Variants in SDK2 observed in about 807,000 individuals in gnomAD.
The protein encoded by SDK2 is protein sidekick-2.
In SDK2, 105 loss-of-function variants were observed where a neutral mutation model predicts 253.9. The ratio of observed to expected loss-of-function variants is 0.41; its 90% CI spans 0.35 to 0.49. SDK2 has a LOEUF of 0.49. Ranked by LOEUF, SDK2 falls within the 20% of genes least tolerant of loss-of-function variation. The pLI is 0.06. For synonymous variants in SDK2, 1,249 were observed against 1,234.9 expected (o/e 1.01, Z -0.24); for missense variants, 2,608 against 3,003.0 (o/e 0.87, Z 3.07).
chr17:73,583,639 C>T (rs2045565789), intron 1 of SDK2, among the ~76,000 whole-genome samples: 1 of 152,222 alleles, frequency 6.6e-6, no homozygotes, highest in Non-Finnish European at 1.5e-5. Flanking sequence ...TCACCCTGTT[C>T]ACAAACCAGC....
At chr17:73,480,985 C>A (rs1252525262) in intron 2 of SDK2, among the ~76,000 whole-genome samples, 1 of 152,240 alleles carries the variant, frequency 6.6e-6, no homozygotes, top group South Asian at 2.1e-4. Context: ...GTGACAGGCA[C>A]AGCCTGTTCT....
chr17:73,470,959 G>T (rs1217473538), intron 3 of SDK2, among the ~76,000 whole-genome samples: 1 of 152,218 alleles, frequency 6.6e-6, no homozygotes, highest in African/African-American at 2.4e-5. Context: ...ACAGGGCTGG[G>T]AAGGTAACAC....
intron 1 of SDK2, 109 bp from the exon 2 acceptor site, chr17:73,507,706 A>G: frequency 8.2e-7 from 1 of 1,226,874 alleles, no homozygotes; most frequent in Non-Finnish European, 1.1e-6. Flanking sequence ...GCAGCCAGGT[A>G]ATTTGCCCAA....
chr17:73,624,884 T>C (rs936079313), intron 1 of SDK2, among the ~76,000 whole-genome samples: 1 of 152,224 alleles, frequency 6.6e-6, no homozygotes, highest in Non-Finnish European at 1.5e-5. Flanking sequence ...CATGCCACTG[T>C]GGTACAACAG....
At chr17:73,539,351 C>G (rs1237946580) in intron 1 of SDK2, among the ~76,000 whole-genome samples, 1 of 152,132 alleles carries the variant, frequency 6.6e-6, no homozygotes, top group Non-Finnish European at 1.5e-5. Context: ...GGGAGACAGC[C>G]TGGGAGCGCC....
chr17:73,556,613 C>G (rs941662717), intron 1 of SDK2, among the ~76,000 whole-genome samples: 2 of 152,204 alleles, frequency 1.3e-5, no homozygotes, highest in Non-Finnish European at 2.9e-5. Flanking sequence ...AATTCTTATG[C>G]GGCTGTTGGC....
chr17:73,407,346 T>C (rs944594045), intron 18 of SDK2, among the ~76,000 whole-genome samples: 2 of 152,074 alleles, frequency 1.3e-5, no homozygotes, highest in Non-Finnish European at 2.9e-5. Context: ...CACCATCAAG[T>C]CGAAGAGGCC....
intron 1 of SDK2, among the ~76,000 whole-genome samples, chr17:73,633,573 T>C (rs546333638): frequency 2.0e-5 from 3 of 152,344 alleles, no homozygotes; most frequent in African/African-American, 7.2e-5. Context: ...ACTTGTTATA[T>C]TCTCTCTCTG....
At chr17:73,581,540 C>A (rs2045534644) in intron 1 of SDK2, among the ~76,000 whole-genome samples, 1 of 152,222 alleles carries the variant, frequency 6.6e-6, no homozygotes, top group Non-Finnish European at 1.5e-5. Flanking sequence ...GCTTTTAGGC[C>A]CTGACAGCAG....
intron 2 of SDK2, among the ~76,000 whole-genome samples, chr17:73,498,108 A>C (rs4789081): frequency 6.6e-6 from 1 of 152,022 alleles, no homozygotes; most frequent in Admixed American, 6.5e-5. Context: ...GCTTCTACAC[A>C]TGGGGGCCAG....
intron 1 of SDK2, among the ~76,000 whole-genome samples, chr17:73,606,491 G>C (rs2045908786): frequency 6.6e-6 from 1 of 152,174 alleles, no homozygotes; most frequent in Admixed American, 6.5e-5. Flanking sequence ...GCCTGGTATG[G>C]GCCGGGTCCT....
Position 73,352,352 on chromosome 17 carries a change from G to A in SDK2, c.5758+121C>T, listed in dbSNP as rs1457632478. On this transcript the variant is annotated intron_variant, in intron 41 of 44. Coordinates refer to ENST00000392650, the MANE Select transcript of SDK2 (RefSeq NM_001144952.2). This position sits in a 1 kb window ranked among gnomAD's most constrained non-coding sequence, Gnocchi z 4.1. Reference sequence around the variant, plus strand: ...CTTCACAGCCCCGAGGGGACAATGTGTTTTTGTTCCCGCCCCATGCTCCTG... The same window carrying A: ...CTTCACAGCCCCGAGGGGACAATGTATTTTTGTTCCCGCCCCATGCTCCTG... The A allele has an allele frequency of 7.9e-6, 10 of 1,271,712 alleles. No homozygotes were observed. The highest frequency in any genetic ancestry group is 4.5e-5 in the Admixed American group (2 of 44,458). 78.8% of individuals were successfully genotyped at this position (1,271,712 alleles called of 1,614,324 possible).
At chr17:73,587,984 C>T (rs1192408670) in intron 1 of SDK2, among the ~76,000 whole-genome samples, 2 of 152,168 alleles carry the variant, frequency 1.3e-5, no homozygotes, top group Admixed American at 6.5e-5. Context: ...TAAAGCCCAC[C>T]ATGTTCATAA....
chr17:73,375,230 C>CTTTT (rs33992958), intron 36 of SDK2, among the ~76,000 whole-genome samples: 6 of 58,658 alleles, frequency 1.0e-4, no homozygotes, highest in African/African-American at 2.8e-4. Context: ...TCCTAACAAC[C>CTTTT]TTTTTTTTTT....
At chr17:73,521,918 G>A (rs1489403961) in intron 1 of SDK2, among the ~76,000 whole-genome samples, 1 of 152,184 alleles carries the variant, frequency 6.6e-6, no homozygotes, top group East Asian at 1.9e-4. Flanking sequence ...AGAGATCATA[G>A]GAACCAGGCA....
chr17:73,343,689 G>T (rs2062458772), intron 44 of SDK2, among the ~76,000 whole-genome samples: 1 of 152,214 alleles, frequency 6.6e-6, no homozygotes, highest in African/African-American at 2.4e-5. Flanking sequence ...GAGTGGGGAG[G>T]GAGGGCCAGA....
intron 1 of SDK2, among the ~76,000 whole-genome samples, chr17:73,610,638 A>T (rs1290600702): frequency 6.6e-6 from 1 of 152,020 alleles, no homozygotes; most frequent in Admixed American, 6.6e-5. Context: ...GTGCATGTTT[A>T]TGTGTGCAAC....
At chr17:73,382,580 A>G (rs1001866104) in intron 33 of SDK2, among the ~76,000 whole-genome samples, 1 of 152,262 alleles carries the variant, frequency 6.6e-6, no homozygotes, top group Non-Finnish European at 1.5e-5. Flanking sequence ...CTGTGCTGTA[A>G]CGTGTTTTAT....
At chr17:73,548,141 A>G (rs980388210) in intron 1 of SDK2, among the ~76,000 whole-genome samples, 1 of 152,248 alleles carries the variant, frequency 6.6e-6, no homozygotes, top group African/African-American at 2.4e-5. Flanking sequence ...GTGAGGACAC[A>G]GAGCCAAACC....
Sources: allele counts gnomAD v4.1 joint callset (sites outside exome capture counted in the v4.1 genomes callset), GRCh38; gene constraint gnomAD v4.1.1; non-coding constraint Gnocchi (gnomAD v3.1); transcripts MANE v1.5; gene names NCBI Gene and HGNC (gene_info 2026-07-23, HGNC 2026-07-21).